Variants in ZNF726 observed in about 807,000 individuals in gnomAD.
The protein encoded by ZNF726 is zinc finger protein 92 pseudogene 3.
Under a neutral mutation model 11.6 loss-of-function variants are expected in ZNF726, and 15 were observed. The ratio of observed to expected loss-of-function variants is 1.29; its 90% CI spans 0.86 to 1.99. The LOEUF (loss-of-function observed/expected upper bound fraction) is 1.99, where lower values mean the gene tolerates loss of function less well. Ranked by LOEUF, ZNF726 falls within the 30% of genes most tolerant of loss-of-function variation. The pLI, the probability that ZNF726 is intolerant of heterozygous loss-of-function variation, is 0.00. For missense variants in ZNF726, 890 were observed against 725.6 expected (o/e 1.23, Z -2.60); for synonymous variants, 295 against 243.6 (o/e 1.21, Z -1.96).
intron 1 of ZNF726, among the ~76,000 whole-genome samples, chr19:23,918,884 C>G (rs1456187972): frequency 6.6e-6 from 1 of 152,024 alleles, no homozygotes; most frequent in Non-Finnish European, 1.5e-5. Flanking sequence ...ATTTGCATTA[C>G]TAATGAGCTT....
At chr19:23,919,636 A>T in intron 2 of ZNF726, 137 bp downstream of exon 2, 7 of 1,186,642 alleles carry the variant, frequency 5.9e-6, no homozygotes, top group South Asian at 3.4e-5. Context: ...TTTAGAAAAA[A>T]TTTCTTCAAG....
At chr19:23,923,222 T>C (rs1046716222) in intron 3 of ZNF726, among the ~76,000 whole-genome samples, 1 of 152,130 alleles carries the variant, frequency 6.6e-6, no homozygotes, top group African/African-American at 2.4e-5. Context: ...TGTAAGGCTA[T>C]TCTTTGCTTC....
chr19:23,926,854 A>C (rs1476600382), intron 3 of ZNF726, among the ~76,000 whole-genome samples: 1 of 152,014 alleles, frequency 6.6e-6, no homozygotes, highest in Non-Finnish European at 1.5e-5. Context: ...GTTGATTTTA[A>C]TGTGTTTCAA....
chr19:23,934,521 T>C, downstream of ZNF726: 1 of 369,212 alleles, frequency 2.7e-6, no homozygotes, highest in Non-Finnish European at 5.3e-6. Context: ...TGCACCTTTA[T>C]TGTTTATTCT....
chr19:23,944,484 T>A (rs1036433496), intron 4 of ZNF726: 6 of 153,030 alleles, frequency 3.9e-5, no homozygotes, highest in Non-Finnish European at 8.7e-5. Context: ...TTACTAATGT[T>A]ATTTGCCCAT....
chr19:23,933,676 G>A lies in ZNF726; in HGVS notation c.1560G>A (p.Leu520=). The A allele has an allele frequency of 6.2e-7, 1 of 1,610,362 alleles. No homozygotes were observed. The highest frequency in any genetic ancestry group is 8.5e-7 in the Non-Finnish European group (1 of 1,179,448). Residue 520 remains leucine (L), a synonymous_variant, in exon 4 of 4, where the codon TTG becomes TTA. Coordinates refer to ENST00000594466, the MANE Select transcript of ZNF726 (RefSeq NM_001244038.2). ...KCEECGKAFI[L]SSTLSKHKRI... ...AAGAATGTGGCAAAGCATTTATATTGTCCTCGACCCTATCTAAACATAAGA... is the reference window on the plus strand; with the variant it reads ...AAGAATGTGGCAAAGCATTTATATTATCCTCGACCCTATCTAAACATAAGA...
intron 1 of ZNF726, chr19:23,919,120 C>A: frequency 2.7e-6 from 1 of 364,200 alleles, no homozygotes; most frequent in South Asian, 3.1e-5. Flanking sequence ...CATGTTAGTA[C>A]ATTTTTACAC....
Position 23,943,492 on chromosome 19 carries a change from A to G in ZNF726, c.227-2A>G. The G allele has an allele frequency of 1.6e-6, 1 of 613,270 alleles. No individual in the cohort carries two copies. Among genetic ancestry groups the G allele is most frequent in the Non-Finnish European group, 3.0e-6 (1 of 330,556 alleles). The allele number at this position is 613,270 out of a possible 1,614,324, so 38.0% of individuals were successfully genotyped here. On this transcript the variant is annotated splice_acceptor_variant, in intron 3 of 4. Coordinates refer to the ZNF726 transcript ENST00000334589. LOFTEE classifies it high-confidence loss of function. ...TCATATTACTTTTTTCTAACAAAAC[A>G]GGCCTTGCTGTCTCTAACCCTGATC...
In ZNF726 at chr19:23,914,958, T is replaced by G; in HGVS notation, c.-37T>G. ...GTCTTCTGCTTTTAGGGGCGCAGCCTCTGTGGCCCTGTGACCTGCCCCCTG... is the reference window on the plus strand; with the variant it reads ...GTCTTCTGCTTTTAGGGGCGCAGCCGCTGTGGCCCTGTGACCTGCCCCCTG... On this transcript the variant is annotated 5_prime_UTR_variant, in exon 1 of 4. Coordinates refer to ENST00000594466, the MANE Select transcript of ZNF726 (RefSeq NM_001244038.2). 1 of 1,613,402 alleles carries G rather than the reference T, an allele frequency of 6.2e-7. No homozygotes were observed. Among genetic ancestry groups the G allele is most frequent in the Non-Finnish European group, 8.5e-7 (1 of 1,179,972 alleles).
At chr19:23,931,439 G>A (rs551628089) in intron 3 of ZNF726, among the ~76,000 whole-genome samples, 76 of 151,864 alleles carry the variant, frequency 5.0e-4, no homozygotes, top group African/African-American at 1.8e-3. Flanking sequence ...CTCTGTTCCT[G>A]TTTTAATCAG....
chr19:23,928,866 T>C (rs1293901183), intron 3 of ZNF726: 1 of 152,212 alleles, frequency 6.6e-6, no homozygotes, highest in Non-Finnish European at 1.5e-5. Flanking sequence ...GTTGTGATCA[T>C]GGCTCACAGC....
intron 3 of ZNF726, among the ~76,000 whole-genome samples, chr19:23,940,269 G>A (rs543902361): frequency 2.6e-5 from 4 of 152,214 alleles, no homozygotes; most frequent in Admixed American, 6.5e-5. Flanking sequence ...TTGTTGAAAA[G>A]GGTGTCCTTT....
At chr19:23,936,105 A>AT (rs1252638718), downstream of ZNF726, 2 of 152,166 alleles carry the variant, frequency 1.3e-5, no homozygotes, top group Non-Finnish European at 2.9e-5. Flanking sequence ...TTGGAAAAAC[A>AT]TTTTTTCAAA....
chr19:23,934,747 T>C (rs954016610), downstream of ZNF726, among the ~76,000 whole-genome samples: 1 of 152,176 alleles, frequency 6.6e-6, no homozygotes, highest in African/African-American at 2.4e-5. Context: ...CTCTTTTTCC[T>C]TTTTCTGCAA....
chr19:23,937,279 G>C (rs1223079631), downstream of ZNF726, among the ~76,000 whole-genome samples: 1 of 151,700 alleles, frequency 6.6e-6, no homozygotes, highest in African/African-American at 2.4e-5. Context: ...GGCCGGGCGG[G>C]GGGCTGACCC....
intron 1 of ZNF726, among the ~76,000 whole-genome samples, chr19:23,918,173 C>T (rs1341673574): frequency 6.6e-6 from 1 of 152,108 alleles, no homozygotes; most frequent in African/African-American, 2.4e-5. Flanking sequence ...TACATAAGAA[C>T]TGGCGAGAAG....
chr19:23,926,486 G>A (rs776375325), intron 3 of ZNF726, among the ~76,000 whole-genome samples: 1 of 151,248 alleles, frequency 6.6e-6, no homozygotes, highest in Non-Finnish European at 1.5e-5. Context: ...CCCAGGAGGC[G>A]GAGGTTGTAG....
chr19:23,924,030 T>C (rs953652402), intron 3 of ZNF726: 1 of 150,276 alleles, frequency 6.7e-6, no homozygotes, highest in Non-Finnish European at 1.5e-5. Flanking sequence ...ACCTTGTATA[T>C]ATTCTTTCTT....
At position 23,920,045 on chromosome 19, in the gene ZNF726, G is replaced by GA. The variant is rs753384028; in HGVS notation, c.191dup (p.Asn64LysfsTer6). 3 of 1,590,136 alleles carry GA rather than the reference G, an allele frequency of 1.9e-6. No individual in the cohort carries two copies. In the South Asian group the frequency reaches 3.3e-5, roughly 18 times the overall value. ...GTCTGGAGAAAGAAAAAGAGCCCTGGAATATGAAGCGAGATGAGATGGTGG... is the reference window on the plus strand; with the variant it reads ...GTCTGGAGAAAGAAAAAGAGCCCTGGAAATATGAAGCGAGATGAGATGGTGG... On this transcript the variant is annotated frameshift_variant, in exon 3 of 4. Coordinates refer to ENST00000594466, the MANE Select transcript of ZNF726 (RefSeq NM_001244038.2). LOFTEE classifies it low-confidence loss of function (END_TRUNC).
Sources: gnomAD v4.1 joint callset for allele counts (sites outside exome capture counted in the v4.1 genomes callset) on GRCh38, gnomAD v4.1.1 for gene constraint, MANE v1.5 for transcripts, NCBI Gene and HGNC (gene_info 2026-07-23, HGNC 2026-07-21) for gene names.